PLAUR: variants seen among roughly 807,000 people sequenced by gnomAD.
PLAUR encodes the protein plasminogen activator, urokinase receptor, also known as urokinase plasminogen activator surface receptor.
Under a neutral mutation model 33.4 loss-of-function variants are expected in PLAUR, and 22 were observed. The observed-to-expected ratio is 0.66, with a 90% CI of 0.47 to 0.94. PLAUR has a LOEUF of 0.94. Ranked by LOEUF, PLAUR falls within the 40% of genes least tolerant of loss-of-function variation. PLAUR has a pLI of 0.00. For missense variants in PLAUR, 408 were observed against 434.7 expected, an observed-to-expected ratio of 0.94 and a Z score of 0.55; for synonymous variants, 148 against 167.3, an observed-to-expected ratio of 0.88 and a Z score of 0.89.
At chr19:43,655,624 T>C (rs1222650729) in intron 4 of PLAUR, 51 bp from the exon 5 acceptor site, 2 of 1,559,814 alleles carry the variant, frequency 1.3e-6, no homozygotes, top group Non-Finnish European at 1.7e-6. Flanking sequence ...AATGAGGGAC[T>C]AAGATGGGAT....
chr19:43,651,667 C>G, intron 6 of PLAUR: 1 of 273,156 alleles, frequency 3.7e-6, no homozygotes, highest in Non-Finnish European at 5.6e-6. Flanking sequence ...ATACTCCTGA[C>G]CTCAAGTGGT....
At chr19:43,652,014 A>G in intron 6 of PLAUR, 2 of 1,334,584 alleles carry the variant, frequency 1.5e-6, no homozygotes, top group African/African-American at 1.5e-5. Flanking sequence ...CACCGCACCC[A>G]GCCGGAATTC....
chr19:43,646,608 A>T, downstream of PLAUR: 1 of 708,100 alleles, frequency 1.4e-6, no homozygotes, highest in South Asian at 1.5e-5. Context: ...AACATAGCAC[A>T]GCAAAACTTC....
chr19:43,666,990 T>C (rs344786), intron 2 of PLAUR, among the ~76,000 whole-genome samples: 121,145 of 151,932 alleles, frequency 0.8, 48,914 homozygotes, highest in African/African-American at 0.93. Flanking sequence ...AATTCTCCTG[T>C]CTCAGCCTCC....
Position 43,654,730 on chromosome 19 carries a change from T to TC in PLAUR, c.607+708dup, listed in dbSNP as rs36120879. 3.2e-3 allele frequency among the ~76,000 whole-genome samples: 486 copies of TC among 151,728 alleles called. 6 individuals are homozygous for TC. The highest frequency in any genetic ancestry group is 0.011 in the African/African-American group (464 of 41,362). ...GCCTGGGTGACAGAGCGAGACCCTG[T>TC]CCCCCCCATACCCCCCAAAAAATCA... is the stretch of plus-strand genomic sequence containing the variant. On this transcript the variant is annotated intron_variant, in intron 5 of 6. Coordinates refer to ENST00000340093, the MANE Select transcript of PLAUR (RefSeq NM_002659.4).
chr19:43,668,115 G>T, intron 1 of PLAUR: 2 of 1,007,316 alleles, frequency 2.0e-6, no homozygotes, highest in Non-Finnish European at 2.4e-6. Context: ...CACCCGCGTC[G>T]ATCTTTATGT....
intron 5 of PLAUR, among the ~76,000 whole-genome samples, chr19:43,652,633 G>T (rs1163013517): frequency 6.6e-6 from 1 of 152,094 alleles, no homozygotes. Context: ...AACTGTCCTT[G>T]CTCTCACAAA....
At chr19:43,660,153 CGTTTTGTTTTGTTTTGTTTT>C (rs10524578) in intron 3 of PLAUR, among the ~76,000 whole-genome samples, 1 of 148,244 alleles carries the variant, frequency 6.7e-6, no homozygotes, top group Non-Finnish European at 1.5e-5. Context: ...CAGAGTCTTG[CGTTTTGTTTTGTTTTGTTTT>C]GTTTTGTTTT....
intron 6 of PLAUR, 170 bp downstream of exon 6, chr19:43,652,055 T>C (rs1023337186): frequency 7.1e-7 from 1 of 1,402,756 alleles, no homozygotes; most frequent in Non-Finnish European, 9.3e-7. Flanking sequence ...GTCCACATCC[T>C]GATGGACAAG....
chr19:43,650,310 G>T (rs925819590), intron 6 of PLAUR, among the ~76,000 whole-genome samples: 1 of 144,182 alleles, frequency 6.9e-6, no homozygotes, highest in Admixed American at 6.9e-5. Context: ...CGCCTGGCTG[G>T]TTTTTTTTTT....
downstream of PLAUR, among the ~76,000 whole-genome samples, chr19:43,647,374 G>A (rs189580063): frequency 1.6e-4 from 24 of 152,190 alleles, no homozygotes; most frequent in Non-Finnish European, 2.6e-4. Context: ...TCTTCTATCC[G>A]TCTCCTTTCC....
At chr19:43,652,119 A>C in intron 6 of PLAUR, 106 bp downstream of exon 6, 1 of 1,544,422 alleles carries the variant, frequency 6.5e-7, no homozygotes, top group Non-Finnish European at 8.7e-7. Context: ...CACCTTTTCC[A>C]CAGGGAGACC....
intron 6 of PLAUR, among the ~76,000 whole-genome samples, 186 bp from the exon 7 acceptor site, chr19:43,649,329 A>T (rs1160220554): frequency 6.6e-6 from 1 of 152,000 alleles, no homozygotes; most frequent in African/African-American, 2.4e-5. Flanking sequence ...CCAAGGAGAG[A>T]GGATAGCTTG....
intron 5 of PLAUR, among the ~76,000 whole-genome samples, chr19:43,653,645 C>T (rs1387455587): frequency 2.7e-5 from 4 of 150,000 alleles, no homozygotes; most frequent in East Asian, 2.0e-4. Flanking sequence ...GCTGACAGAG[C>T]GAGACTCCAT....
In PLAUR at chr19:43,652,217, G is replaced by T; in HGVS notation, c.754+8C>A. ...AGTGTTCCCTCCCAGCCTCGGAGAG[G>T]GCCTCACCGTGAGTGCCGGTGGCTA... On this transcript the variant is annotated splice_region_variant and intron_variant, in intron 6 of 6. Coordinates refer to ENST00000340093, the MANE Select transcript of PLAUR (RefSeq NM_002659.4). The T allele has an allele frequency of 6.2e-7, 1 of 1,613,776 alleles. No individual in the cohort carries two copies. Among genetic ancestry groups the T allele is most frequent in the Non-Finnish European group, 8.5e-7 (1 of 1,179,838 alleles).
At chr19:43,667,361 A>C (rs1967299930) in intron 2 of PLAUR, 1 of 581,798 alleles carries the variant, frequency 1.7e-6, no homozygotes, top group Non-Finnish European at 3.1e-6. Context: ...TTGATGTGCC[A>C]ATTTACTCCC....
intron 1 of PLAUR, 164 bp from the exon 2 acceptor site, chr19:43,667,855 C>G: frequency 6.9e-7 from 1 of 1,445,640 alleles, no homozygotes; most frequent in Non-Finnish European, 9.1e-7. Flanking sequence ...TCCAGTCTGT[C>G]CGTTGTCCAC....
chr19:43,648,960 G>A lies in PLAUR; in HGVS notation c.938C>T (p.Ala313Val), dbSNP rs1229204772. Residue 313 changes from alanine (A) to valine (V), a missense_variant, in exon 7 of 7, where the codon GCC (alanine) becomes GTC (valine). Physicochemically the swap from Ala to Val is moderately conservative, Grantham distance 64 (BLOSUM62 0). Transcript: ENST00000340093. ...CAGGGTGATGGTGAGGCTGAGATGG[G>A]CAGGGCCAGGCTGAGGAGCAGCCCC... ...RSGAAPQPGP[A>V]HLSLTITLLM... is the part of the protein sequence containing the mutation. 2.7e-5 allele frequency: 43 copies of A among 1,614,000 alleles called. No homozygotes were observed. The highest frequency in any genetic ancestry group is 3.6e-5 in the Non-Finnish European group (43 of 1,180,000).
At chr19:43,667,004 G>A (rs1967282452) in intron 2 of PLAUR, among the ~76,000 whole-genome samples, 1 of 152,016 alleles carries the variant, frequency 6.6e-6, no homozygotes, top group Admixed American at 6.6e-5. Flanking sequence ...AGCCTCCCAA[G>A]TAGCTGAGAT....
Sources: allele counts gnomAD v4.1 joint callset (sites outside exome capture counted in the v4.1 genomes callset), GRCh38; gene constraint gnomAD v4.1.1; transcripts MANE v1.5; gene names NCBI Gene and HGNC (gene_info 2026-07-23, HGNC 2026-07-21).